The following NTS variants were observed in gnomAD, a reference collection of about 807,000 sequenced individuals.
NTS encodes the protein neurotensin.
Under a neutral mutation model 19.5 loss-of-function variants are expected in NTS, and 20 were observed. The ratio of observed to expected loss-of-function variants is 1.02; its 90% CI spans 0.72 to 1.49. NTS has a LOEUF of 1.49. NTS is among the 40% of genes most tolerant of loss of function. The pLI is 0.00. For missense variants in NTS, 215 were observed against 193.1 expected, an observed-to-expected ratio of 1.11 and a Z score of -0.67; for synonymous variants, 71 against 63.3, an observed-to-expected ratio of 1.12 and a Z score of -0.58.
chr12:85,879,832 T>C (rs1303861298), intron 3 of NTS, among the ~76,000 whole-genome samples: 1 of 143,282 alleles, frequency 7.0e-6, no homozygotes, highest in East Asian at 2.1e-4. Flanking sequence ...TTTATGTATA[T>C]AAAATATATT....
chr12:85,879,265 T>TACGTAAA (rs1881428102), intron 3 of NTS, among the ~76,000 whole-genome samples: 3 of 59,488 alleles, frequency 5.0e-5, no homozygotes, highest in Non-Finnish European at 9.2e-5. Context: ...TAATTTTATG[T>TACGTAAA]ATATTTTATG....
In NTS at chr12:85,878,436, GAGA is replaced by G; in HGVS notation, c.230_232del (p.Glu77del). The G allele has an allele frequency of 6.2e-7, 1 of 1,613,788 alleles. No individual in the cohort carries two copies. Among genetic ancestry groups the G allele is most frequent in the South Asian group, 1.1e-5 (1 of 91,058 alleles). ...TTGAACAGCCCAGCTGAGGAAACAGGAGAAGTTCATGAAGAGGAGCTTGTTGCA... is the reference window on the plus strand; with the variant it reads ...TTGAACAGCCCAGCTGAGGAAACAGGAGTTCATGAAGAGGAGCTTGTTGCA... On this transcript the variant is annotated inframe_deletion, in exon 3 of 4. Coordinates refer to ENST00000256010, the MANE Select transcript of NTS (RefSeq NM_006183.5).
At chr12:85,874,637 A>G (rs951608169) in intron 1 of NTS, among the ~76,000 whole-genome samples, 161 bp downstream of exon 1, 5 of 152,152 alleles carry the variant, frequency 3.3e-5, no homozygotes, top group African/African-American at 1.2e-4. Flanking sequence ...CTCTGCCTTT[A>G]TGATTACTGA....
chr12:85,879,246 TATTATACATA>T (rs1483595679), intron 3 of NTS, among the ~76,000 whole-genome samples: 862 of 872 alleles, frequency 0.99, 429 homozygotes, highest in Middle Eastern at 1. Context: ...ATGTAAAATA[TATTATACATA>T]ATTTTATGTA....
intron 2 of NTS, among the ~76,000 whole-genome samples, chr12:85,876,918 C>T (rs1266669914): frequency 1.3e-5 from 2 of 151,966 alleles, no homozygotes; most frequent in African/African-American, 2.4e-5. Context: ...CAGCATGTTG[C>T]AATTTTAATT....
At chr12:85,876,788 T>G (rs915177467) in intron 2 of NTS, 87 bp downstream of exon 2, 1 of 682,146 alleles carries the variant, frequency 1.5e-6, no homozygotes, top group Non-Finnish European at 2.3e-6. Context: ...AGTAATAACT[T>G]CTCATCAAGA....
intron 3 of NTS, among the ~76,000 whole-genome samples, chr12:85,881,946 T>C (rs1055788634): frequency 6.6e-6 from 1 of 152,064 alleles, no homozygotes; most frequent in African/African-American, 2.4e-5. Flanking sequence ...TTGAAATATA[T>C]AGTTAGTAAA....
At chr12:85,874,887 G>A (rs1881303964) in intron 1 of NTS, among the ~76,000 whole-genome samples, 2 of 152,084 alleles carry the variant, frequency 1.3e-5, no homozygotes, top group African/African-American at 2.4e-5. Context: ...CTTAGGAAGC[G>A]GTGGCCCTCA....
At chr12:85,879,687 T>C (rs181721611) in intron 3 of NTS, among the ~76,000 whole-genome samples, 904 of 110,020 alleles carry the variant, frequency 8.2e-3, no homozygotes, top group Non-Finnish European at 0.011. Context: ...ATAAAATATA[T>C]TTTTTGTATA....
rs779311109 is a variant in NTS at position 85,874,403 on chromosome 12, G to A, written c.-1G>A. ...GACTTGGCTTGTTAGAAGGCTGAAA[G>A]ATGATGGCAGGAATGAAAATCCAGC... On this transcript the variant is annotated 5_prime_UTR_variant, in exon 1 of 4. Transcript: ENST00000256010. 1.9e-6 allele frequency: 3 copies of A among 1,612,678 alleles called. No individual in the cohort carries two copies. The highest frequency in any genetic ancestry group is 2.5e-6 in the Non-Finnish European group (3 of 1,178,728).
chr12:85,882,579 T>G lies in NTS; in HGVS notation c.*204T>G. ...AATCTTCAGCATGATGTGTTGTGTA[T>G]AATTGGAGTAGATATTAATTAAGTC... On this transcript the variant is annotated 3_prime_UTR_variant, in exon 4 of 4. Coordinates refer to ENST00000256010, the MANE Select transcript of NTS (RefSeq NM_006183.5). 1 of 447,840 alleles carries G rather than the reference T, an allele frequency of 2.2e-6. No homozygotes were observed. The highest frequency in any genetic ancestry group is 3.9e-6 in the Non-Finnish European group (1 of 255,600). 27.7% of individuals were successfully genotyped at this position (447,840 alleles called of 1,614,324 possible). A position where few individuals can be genotyped will look rare whatever the true frequency, so the allele number is the denominator to read the frequency against.
intron 3 of NTS, 27 bp downstream of exon 3, chr12:85,878,596 G>A (rs1410525263): frequency 7.2e-7 from 1 of 1,391,158 alleles, no homozygotes; most frequent in Non-Finnish European, 1.0e-6. Flanking sequence ...ATATTAATAT[G>A]ATTATAGTTA....
Position 85,882,469 on chromosome 12 carries a change from A to G in NTS, c.*94A>G. On this transcript the variant is annotated 3_prime_UTR_variant, in exon 4 of 4. Transcript: ENST00000256010. ...GTGTGAAAATGTGACAAACACACTT[A>G]TCTGTCTCTTCTACAATTGTGGTTT... is the stretch of plus-strand genomic sequence containing the variant. 1 of 979,502 alleles carries G rather than the reference A, an allele frequency of 1.0e-6. No individual in the cohort carries two copies. The highest frequency in any genetic ancestry group is 1.5e-6 in the Non-Finnish European group (1 of 663,180). 60.7% of individuals were successfully genotyped at this position (979,502 alleles called of 1,614,324 possible).
chr12:85,882,439 T>A lies in NTS; in HGVS notation c.*64T>A. On this transcript the variant is annotated 3_prime_UTR_variant, in exon 4 of 4. Transcript: ENST00000256010. ...CATCCCTTAATTAAATATCAAATTA[T>A]ATTTGTGTGAAAATGTGACAAACAC... The A allele has an allele frequency of 7.9e-7, 1 of 1,270,124 alleles. No individual in the cohort carries two copies. 78.7% of individuals were successfully genotyped at this position (1,270,124 alleles called of 1,614,324 possible).
Position 85,882,441 on chromosome 12 carries a change from T to C in NTS, c.*66T>C. 1 of 1,273,348 alleles carries C rather than the reference T, an allele frequency of 7.9e-7. No homozygotes were observed. Among genetic ancestry groups the C allele is most frequent in the Non-Finnish European group, 1.1e-6 (1 of 926,720 alleles). 78.9% of individuals were successfully genotyped at this position (1,273,348 alleles called of 1,614,324 possible). A position where few individuals can be genotyped will look rare whatever the true frequency, so the allele number is the denominator to read the frequency against. Reference sequence around the variant, plus strand: ...TCCCTTAATTAAATATCAAATTATATTTGTGTGAAAATGTGACAAACACAC... The same window carrying C: ...TCCCTTAATTAAATATCAAATTATACTTGTGTGAAAATGTGACAAACACAC... On this transcript the variant is annotated 3_prime_UTR_variant, in exon 4 of 4. Coordinates refer to ENST00000256010, the MANE Select transcript of NTS (RefSeq NM_006183.5).
chr12:85,882,517 T>C lies in NTS; in HGVS notation c.*142T>C. On this transcript the variant is annotated 3_prime_UTR_variant, in exon 4 of 4. Coordinates refer to ENST00000256010, the MANE Select transcript of NTS (RefSeq NM_006183.5). ...TTTATTGAATGTGATTTTTCTGCAC[T>C]AATATAAATTAGACTAAGTGTTTTC... is the stretch of plus-strand genomic sequence containing the variant. 1.6e-6 allele frequency: 1 copy of C among 634,380 alleles called. No individual in the cohort carries two copies. Among genetic ancestry groups the C allele is most frequent in the Non-Finnish European group, 2.7e-6 (1 of 373,918 alleles). 39.3% of individuals were successfully genotyped at this position (634,380 alleles called of 1,614,324 possible).
At chr12:85,876,588 ATATAAT>A (rs1881350004) in intron 1 of NTS, 46 bp from the exon 2 acceptor site, 1 of 1,039,464 alleles carries the variant, frequency 9.6e-7, no homozygotes, top group African/African-American at 1.6e-5. Flanking sequence ...GTAGATTATG[ATATAAT>A]TATATGATAT....
At chr12:85,881,362 C>G (rs770633952) in intron 3 of NTS, among the ~76,000 whole-genome samples, 1 of 151,884 alleles carries the variant, frequency 6.6e-6, no homozygotes, top group Non-Finnish European at 1.5e-5. Context: ...AGAAGACAAC[C>G]AAAAATACAA....
chr12:85,874,337 T>A lies in NTS; in HGVS notation c.-67T>A. 9.1e-7 allele frequency: 1 copy of A among 1,097,956 alleles called. No homozygotes were observed. The highest frequency in any genetic ancestry group is 1.4e-6 in the Non-Finnish European group (1 of 710,374). 68.0% of individuals were successfully genotyped at this position (1,097,956 alleles called of 1,614,324 possible). On this transcript the variant is annotated 5_prime_UTR_variant, in exon 1 of 4. Transcript: ENST00000256010. The stretch of plus-strand genomic sequence containing the variant: ...AAAGCCAGCTGAAGGAAAGAGGAAG[T>A]GCTAGAGAGAGCCCCCTTCAGTGTG...
Sources: allele counts gnomAD v4.1 joint callset (sites outside exome capture counted in the v4.1 genomes callset), GRCh38; gene constraint gnomAD v4.1.1; transcripts MANE v1.5; gene names NCBI Gene and HGNC (gene_info 2026-07-23, HGNC 2026-07-21).